Variants in SLC4A4 observed in about 807,000 individuals in gnomAD.
SLC4A4 encodes electrogenic sodium bicarbonate cotransporter 1.
SLC4A4 carries 27 observed loss-of-function variants against 111.5 expected under a neutral mutation model. That is an observed-to-expected ratio of 0.24 (90% CI 0.18 to 0.33). The LOEUF is 0.33. Among genes scored for constraint, SLC4A4 ranks in the 10% least tolerant of loss-of-function variants. SLC4A4 has a pLI of 1.00. For missense variants in SLC4A4, 909 were observed against 1,315.5 expected, an observed-to-expected ratio of 0.69 and a Z score of 4.78; for synonymous variants, 443 against 463.4, an observed-to-expected ratio of 0.96 and a Z score of 0.57.
intron 2 of SLC4A4, among the ~76,000 whole-genome samples, chr4:71,106,132 C>T (rs1247703462): frequency 4.0e-5 from 6 of 151,438 alleles, no homozygotes. Context: ...AGACACTTCT[C>T]AAAAGAAGAC....
chr4:71,515,570 G>T (rs781772546), intron 16 of SLC4A4, among the ~76,000 whole-genome samples: 1 of 152,142 alleles, frequency 6.6e-6, no homozygotes, highest in Non-Finnish European at 1.5e-5. Flanking sequence ...TGACAACGGG[G>T]TGTTAAAATC....
At chr4:71,560,039 C>T in intron 22 of SLC4A4, 54 bp from the exon 23 acceptor site, 1 of 1,386,206 alleles carries the variant, frequency 7.2e-7, no homozygotes, top group Non-Finnish European at 1.0e-6. Flanking sequence ...TCTATGCTTG[C>T]TGTGACTTCA....
chr4:71,103,319 A>T (rs1742815526), intron 2 of SLC4A4, among the ~76,000 whole-genome samples: 1 of 152,158 alleles, frequency 6.6e-6, no homozygotes, highest in Admixed American at 6.5e-5. Context: ...CACATTAATA[A>T]TGGGAGACTT....
intron 2 of SLC4A4, among the ~76,000 whole-genome samples, chr4:71,102,896 A>G (rs1163514870): frequency 6.6e-6 from 1 of 152,014 alleles, no homozygotes; most frequent in Non-Finnish European, 1.5e-5. Context: ...CATCATAATG[A>G]CAGGATCCAA....
chr4:71,172,876 C>T (rs1744982320), intron 2 of SLC4A4, among the ~76,000 whole-genome samples: 1 of 152,202 alleles, frequency 6.6e-6, no homozygotes, highest in Non-Finnish European at 1.5e-5. Flanking sequence ...TAGTCCTCCC[C>T]TTAACCACTA....
intron 3 of SLC4A4, among the ~76,000 whole-genome samples, chr4:71,259,916 A>G (rs181290642): frequency 6.6e-6 from 1 of 152,146 alleles, no homozygotes; most frequent in African/African-American, 2.4e-5. Context: ...GATGTGTAAG[A>G]TATTTCTTGA....
chr4:71,467,746 A>G (rs923373931), intron 13 of SLC4A4, among the ~76,000 whole-genome samples: 2 of 152,114 alleles, frequency 1.3e-5, no homozygotes, highest in Admixed American at 6.5e-5. Flanking sequence ...ACACAAATAG[A>G]TTCAAAATCA....
chr4:71,382,390 G>T (rs1578969799), intron 6 of SLC4A4, among the ~76,000 whole-genome samples: 1 of 152,136 alleles, frequency 6.6e-6, no homozygotes, highest in Non-Finnish European at 1.5e-5. Context: ...CTAAGCCTGG[G>T]AACATATGAA....
rs1461237634 is a variant in SLC4A4, at chr4:71,268,071, T to C, written c.253+12672T>C. Among the ~76,000 whole-genome samples the C allele has an allele frequency of 6.0e-5, 7 of 117,076 alleles. 1 individual carries two copies. The Admixed American group carries it at 7.0e-4, about 12-fold the overall frequency. The allele number at this position is 117,076 out of a possible 152,430, so 76.8% of individuals were successfully genotyped here. A position where few individuals can be genotyped will look rare whatever the true frequency, so the allele number is the denominator to read the frequency against. Reference sequence around the variant, plus strand: ...TATGATATCAGTGTGCCAAATAAAGTAGTGTTTTTTTTTTTTTTTTTTTTT... The same window carrying C: ...TATGATATCAGTGTGCCAAATAAAGCAGTGTTTTTTTTTTTTTTTTTTTTT... On this transcript the variant is annotated intron_variant, in intron 3 of 25. Transcript: ENST00000264485.
intron 16 of SLC4A4, among the ~76,000 whole-genome samples, chr4:71,502,819 A>C (rs1030800935): frequency 6.6e-6 from 1 of 152,176 alleles, no homozygotes; most frequent in African/African-American, 2.4e-5. Flanking sequence ...GTTGGATGGA[A>C]TATTCTGTAA....
rs1335040635 is a variant in SLC4A4, at chr4:71,350,820, T to G, written c.550+748T>G. Reference sequence around the variant, plus strand: ...CTGGTCACCTTCTGCAGGTCTTTGATCCACATCTTCTTCCCCATAATCCCA... The same window carrying G: ...CTGGTCACCTTCTGCAGGTCTTTGAGCCACATCTTCTTCCCCATAATCCCA... On this transcript the variant is annotated intron_variant, in intron 5 of 25. Coordinates refer to ENST00000264485, the MANE Select transcript of SLC4A4 (RefSeq NM_001098484.3). Among the ~76,000 whole-genome samples the G allele has an allele frequency of 1.1e-4, 17 of 152,148 alleles. 1 individual carries two copies. The highest frequency in any genetic ancestry group is 1.1e-3 in the Admixed American group (17 of 15,272).
intron 20 of SLC4A4, among the ~76,000 whole-genome samples, 185 bp from the exon 21 acceptor site, chr4:71,554,955 A>G (rs1206963527): frequency 6.6e-6 from 1 of 151,836 alleles, no homozygotes; most frequent in Non-Finnish European, 1.5e-5. Flanking sequence ...ACCCTTCTTC[A>G]TTTATTTCTA....
In SLC4A4 at chr4:71,567,191, T is replaced by C. The variant is rs564522072; in HGVS notation, c.*36+108T>C. ...ACTTCTTGTTCTCCTTCGTCTCTAT[T>C]ATTTATCTTAAATAAATTACCCAGT... On this transcript the variant is annotated intron_variant, in intron 25 of 25. Coordinates refer to ENST00000264485, the MANE Select transcript of SLC4A4 (RefSeq NM_001098484.3). 6.3e-4 allele frequency: 565 copies of C among 891,658 alleles called. 2 individuals carry two copies. Among genetic ancestry groups the C allele is most frequent in the Non-Finnish European group, 9.0e-4 (521 of 577,394 alleles). 55.2% of individuals were successfully genotyped at this position (891,658 alleles called of 1,614,324 possible). A position where few individuals can be genotyped will look rare whatever the true frequency, so the allele number is the denominator to read the frequency against.
chr4:71,260,338 T>C (rs1721764082), intron 3 of SLC4A4, among the ~76,000 whole-genome samples: 1 of 152,196 alleles, frequency 6.6e-6, no homozygotes, highest in Non-Finnish European at 1.5e-5. Context: ...TTTCTTGATT[T>C]TTAAAATGTT....
Position 71,179,372 on chromosome 4 carries a change from A to G in SLC4A4, c.-1-57204A>G, listed in dbSNP as rs561997759. Among the ~76,000 whole-genome samples the G allele has an allele frequency of 5.7e-3, 868 of 152,294 alleles. 8 individuals carry two copies. Among genetic ancestry groups the G allele is most frequent in the Non-Finnish European group, 9.5e-3 (649 of 68,010 alleles). ...CTGGCCAGGGCAATCAGGCAGAAGA[A>G]GGAAATAAAGGGCATTCAATTAGGA... is the stretch of plus-strand genomic sequence containing the variant. On this transcript the variant is annotated intron_variant, in intron 2 of 26. Coordinates refer to the SLC4A4 transcript ENST00000649996.
At chr4:71,101,862 G>A (rs1369446645) in intron 2 of SLC4A4, among the ~76,000 whole-genome samples, 5 of 151,780 alleles carry the variant, frequency 3.3e-5, no homozygotes, top group East Asian at 1.9e-4. Flanking sequence ...AACGCAGAAC[G>A]CCTCTCCTCC....
In SLC4A4 at chr4:71,211,811, T is replaced by G. The variant is rs186802702; in HGVS notation, c.-2+24410T>G. 2.3e-4 allele frequency among the ~76,000 whole-genome samples: 35 copies of G among 151,966 alleles called. 1 individual carries two copies. The highest frequency in any genetic ancestry group is 4.2e-4 in the South Asian group (2 of 4,792). ...TTTTTTGTGTGTGAACAGCTTATAA[T>G]GCTTTATGGAGCTTATCAAAGCCAC... is the stretch of plus-strand genomic sequence containing the variant. On this transcript the variant is annotated intron_variant, in intron 1 of 25. Transcript: ENST00000264485.
chr4:71,369,112 G>C (rs1237035359), intron 6 of SLC4A4, among the ~76,000 whole-genome samples: 1 of 152,030 alleles, frequency 6.6e-6, no homozygotes, highest in Non-Finnish European at 1.5e-5. Flanking sequence ...CCCCGAGTGC[G>C]GCGCACTCCC....
chr4:71,375,955 G>T (rs538236279), intron 6 of SLC4A4, among the ~76,000 whole-genome samples: 1 of 151,610 alleles, frequency 6.6e-6, no homozygotes, highest in African/African-American at 2.4e-5. Flanking sequence ...GAACTGAAGA[G>T]CCCTAAGTGT....
Sources: gnomAD v4.1 joint callset for allele counts (sites outside exome capture counted in the v4.1 genomes callset) on GRCh38, gnomAD v4.1.1 for gene constraint, MANE v1.5 for transcripts, NCBI Gene and HGNC (gene_info 2026-07-23, HGNC 2026-07-21) for gene names.